TTLL5: variants seen among roughly 807,000 people sequenced by gnomAD.
The protein encoded by TTLL5 is tubulin polyglutamylase TTLL5.
Under a neutral mutation model 168.4 loss-of-function variants are expected in TTLL5, and 132 were observed. The observed-to-expected ratio is 0.78, with a 90% CI of 0.68 to 0.91. The LOEUF (loss-of-function observed/expected upper bound fraction) is 0.91. Among genes scored for constraint, TTLL5 ranks in the 40% least tolerant of loss-of-function variants. The pLI, the probability that TTLL5 is intolerant of heterozygous loss-of-function variation, is 0.00. For missense variants in TTLL5, 1,545 were observed against 1,581.5 expected (o/e 0.98, Z 0.39); for synonymous variants, 546 against 558.6 (o/e 0.98, Z 0.32).
intron 6 of TTLL5, among the ~76,000 whole-genome samples, chr14:75,696,884 C>G (rs929435888): frequency 6.6e-6 from 1 of 152,132 alleles, no homozygotes; most frequent in African/African-American, 2.4e-5. Context: ...AAGATCATTC[C>G]ATATCAGTTC....
intron 30 of TTLL5, among the ~76,000 whole-genome samples, chr14:75,900,385 C>T (rs551383873): frequency 6.6e-5 from 10 of 152,274 alleles, no homozygotes; most frequent in South Asian, 2.1e-4. Context: ...TCTTCTCAAG[C>T]GGCATGTCTC....
chr14:75,745,649 C>A, intron 17 of TTLL5, 68 bp downstream of exon 17: 1 of 1,199,684 alleles, frequency 8.3e-7, no homozygotes, highest in Non-Finnish European at 1.2e-6. Context: ...TTGTGATACA[C>A]TGTCATCACT....
intron 31 of TTLL5, among the ~76,000 whole-genome samples, chr14:75,939,261 TTTTA>T (rs1288403276): frequency 5.9e-5 from 9 of 152,370 alleles, no homozygotes; most frequent in Non-Finnish European, 1.3e-4. Context: ...ATTATGGGAA[TTTTA>T]TTTAAGTCAT....
At chr14:75,754,306 A>G (rs1394524292) in intron 18 of TTLL5, among the ~76,000 whole-genome samples, 5 of 152,042 alleles carry the variant, frequency 3.3e-5, no homozygotes, top group Non-Finnish European at 7.4e-5. Flanking sequence ...TTTTTGCATT[A>G]TTTTAATTCT....
At chr14:75,665,521 G>C (rs1417974418) in intron 2 of TTLL5, among the ~76,000 whole-genome samples, 1 of 152,096 alleles carries the variant, frequency 6.6e-6, no homozygotes, top group African/African-American at 2.4e-5. Context: ...GTGATCTAGG[G>C]GTGAGTCTTA....
intron 28 of TTLL5, among the ~76,000 whole-genome samples, chr14:75,828,219 C>G (rs1236418110): frequency 6.6e-6 from 1 of 152,064 alleles, no homozygotes; most frequent in African/African-American, 2.4e-5. Context: ...ACAATTGACC[C>G]TTGAATAACT....
chr14:75,906,829 C>A, intron 31 of TTLL5: 1 of 630,008 alleles, frequency 1.6e-6, no homozygotes, highest in Non-Finnish European at 2.0e-6. Context: ...AGGATGCTCC[C>A]AAACTGGGTC....
intron 30 of TTLL5, among the ~76,000 whole-genome samples, chr14:75,896,893 T>C (rs2032689077): frequency 6.6e-6 from 1 of 152,190 alleles, no homozygotes; most frequent in Non-Finnish European, 1.5e-5. Flanking sequence ...AAATATATGT[T>C]ATATAGTTAT....
intron 27 of TTLL5, among the ~76,000 whole-genome samples, chr14:75,812,994 T>C (rs886857211): frequency 6.6e-6 from 1 of 152,196 alleles, no homozygotes; most frequent in African/African-American, 2.4e-5. Flanking sequence ...GGCAGTGAGA[T>C]AACACAGTGA....
intron 28 of TTLL5, among the ~76,000 whole-genome samples, chr14:75,836,458 T>C (rs1430900226): frequency 6.6e-6 from 1 of 151,358 alleles, no homozygotes; most frequent in Non-Finnish European, 1.5e-5. Flanking sequence ...AAAAAAAAAA[T>C]AGAATGAGTA....
At chr14:75,775,383 T>C in intron 21 of TTLL5, 101 bp from the exon 22 acceptor site, 3 of 1,323,290 alleles carry the variant, frequency 2.3e-6, no homozygotes, top group South Asian at 2.9e-5. Flanking sequence ...GTGTAATATA[T>C]GTCTTCTTCC....
intron 27 of TTLL5, chr14:75,818,654 A>AT (rs34861864): frequency 0.032 from 4,561 of 143,038 alleles, 77 homozygotes; most frequent in Middle Eastern, 0.072. Context: ...CGCCTGGCTA[A>AT]TTTTTTTTTT....
intron 27 of TTLL5, among the ~76,000 whole-genome samples, chr14:75,804,312 C>T (rs560745106): frequency 2.6e-5 from 4 of 152,376 alleles, no homozygotes; most frequent in African/African-American, 7.2e-5. Flanking sequence ...CTCTCTCACT[C>T]TCTCTATACA....
chr14:75,792,477 G>GT (rs1342159700), intron 26 of TTLL5, among the ~76,000 whole-genome samples: 1 of 151,770 alleles, frequency 6.6e-6, no homozygotes, highest in Non-Finnish European at 1.5e-5. Context: ...TTTTATCCCT[G>GT]TTTCCCTTTT....
At position 75,914,052 on chromosome 14, in the gene TTLL5, A is replaced by ATATATT. The variant is rs1304496430; in HGVS notation, c.3823+11831_3823+11832insATTTAT. Reference sequence around the variant, plus strand: ...AAAAAAAATATATATATATATATATATATTTTATCCCCTAAGGGCCCAGTT... The same window carrying ATATATT: ...AAAAAAAATATATATATATATATATATATATTTATTTTATCCCCTAAGGGCCCAGTT... On this transcript the variant is annotated intron_variant, in intron 31 of 31. Transcript: ENST00000298832. Among the ~76,000 whole-genome samples, 3 of 122,378 alleles carry ATATATT rather than the reference A, an allele frequency of 2.5e-5. No homozygotes were observed. In the East Asian group the frequency reaches 7.8e-4, roughly 32 times the overall value. The allele number at this position is 122,378 out of a possible 152,430, so 80.3% of individuals were successfully genotyped here.
chr14:75,842,217 G>T (rs1896298089), intron 28 of TTLL5, among the ~76,000 whole-genome samples: 1 of 152,118 alleles, frequency 6.6e-6, no homozygotes. Flanking sequence ...CTCCAATCTG[G>T]AGTACAGAAA....
rs1459256097 is a variant in TTLL5, at chr14:75,938,105, CTG to C, written c.3824-16318_3824-16317del. 2.3e-4 allele frequency among the ~76,000 whole-genome samples: 35 copies of C among 152,316 alleles called. 1 individual carries two copies. In the East Asian group the frequency reaches 6.0e-3, roughly 26 times the overall value. On this transcript the variant is annotated intron_variant, in intron 31 of 31. Coordinates refer to ENST00000298832, the MANE Select transcript of TTLL5 (RefSeq NM_015072.5). ...GTGGTTTTAAATTAAACATTGGTAA[CTG>C]AGATAATACTAGTGCCATTTATAAA...
At position 75,779,607 on chromosome 14, in the gene TTLL5, A is replaced by C. The variant is rs747266563; in HGVS notation, c.2420A>C (p.Tyr807Ser). ...GAACTGGAGGAGGTGTTGACTTTTT[A>C]TACCCAAAAGAACAAGTCTGCTAGT... ...EAELEEVLTF[Y>S]TQKNKSASVF... Residue 807 changes from tyrosine to serine, a missense_variant, in exon 24 of 32, where the codon TAT (tyrosine) becomes TCT (serine). Coordinates refer to ENST00000298832, the MANE Select transcript of TTLL5 (RefSeq NM_015072.5). 13 of 1,613,626 alleles carry C rather than the reference A, an allele frequency of 8.1e-6. No homozygotes were observed. Among genetic ancestry groups the C allele is most frequent in the Non-Finnish European group, 1.0e-5 (12 of 1,179,846 alleles).
chr14:75,875,144 A>G (rs1458167770), intron 29 of TTLL5, among the ~76,000 whole-genome samples: 1 of 149,184 alleles, frequency 6.7e-6, no homozygotes, highest in East Asian at 2.1e-4. Flanking sequence ...CGTTTTAGCC[A>G]GGATGGTCTC....
Sources: allele counts gnomAD v4.1 joint callset (sites outside exome capture counted in the v4.1 genomes callset), GRCh38; gene constraint gnomAD v4.1.1; transcripts MANE v1.5; gene names NCBI Gene and HGNC (gene_info 2026-07-23, HGNC 2026-07-21).